The following SLA2 variants were observed in gnomAD, a reference collection of about 807,000 sequenced individuals.
SLA2 encodes the protein src-like-adapter 2.
SLA2 carries 22 observed loss-of-function variants against 27.3 expected under a neutral mutation model. The observed-to-expected ratio is 0.81, with a 90% CI of 0.58 to 1.15. SLA2 has a LOEUF of 1.15. SLA2 is among the 50% of genes most tolerant of loss of function. The pLI, the probability that SLA2 is intolerant of heterozygous loss-of-function variation, is 0.00. For synonymous variants in SLA2, 131 were observed against 137.8 expected (o/e 0.95, Z 0.34); for missense variants, 304 against 322.2 (o/e 0.94, Z 0.43).
Position 36,615,361 on chromosome 20 carries a change from CAG to C in SLA2, c.394_395del (p.Leu132ValfsTer22), listed in dbSNP as rs770643107. 8.7e-6 allele frequency: 14 copies of C among 1,613,796 alleles called. No individual in the cohort carries two copies. Among genetic ancestry groups the C allele is most frequent in the East Asian group, 2.2e-5 (1 of 44,888 alleles). On this transcript the variant is annotated frameshift_variant, in exon 6 of 8. Coordinates refer to ENST00000262866, the MANE Select transcript of SLA2 (RefSeq NM_032214.4). LOFTEE classifies it high-confidence loss of function. ...ESQTRRGSYS[L>X]SVRLSRPASW... The stretch of plus-strand genomic sequence containing the variant: ...ATGCAGGGCGGCTGAGGCGGACTGA[CAG>C]AGAGTAAGAGCCTGAGGAGAAAGGG...
At chr20:36,619,663 C>T (rs1034879281) in intron 5 of SLA2, among the ~76,000 whole-genome samples, 1 of 148,934 alleles carries the variant, frequency 6.7e-6, no homozygotes, top group Non-Finnish European at 1.5e-5. Flanking sequence ...CAGAGTCTCG[C>T]TCTCTCACCC....
intron 5 of SLA2, among the ~76,000 whole-genome samples, chr20:36,631,018 T>A (rs568056434): frequency 6.6e-6 from 1 of 152,304 alleles, no homozygotes. Context: ...TGCCAAGAGA[T>A]CAGAATCATG....
chr20:36,638,153 A>G (rs981492533), intron 2 of SLA2, among the ~76,000 whole-genome samples: 1 of 151,630 alleles, frequency 6.6e-6, no homozygotes, highest in Middle Eastern at 3.4e-3. Context: ...AGCCTCTTAA[A>G]GCGCTGGGAT....
intron 5 of SLA2, among the ~76,000 whole-genome samples, chr20:36,629,832 G>C (rs2039375862): frequency 6.6e-6 from 1 of 152,024 alleles, no homozygotes; most frequent in African/African-American, 2.4e-5. Flanking sequence ...CAGCTACCAG[G>C]GAGGCTGAGG....
chr20:36,625,642 G>T (rs2147985288), intron 5 of SLA2, among the ~76,000 whole-genome samples: 1 of 152,110 alleles, frequency 6.6e-6, no homozygotes, highest in East Asian at 1.9e-4. Context: ...GACCAGCCTG[G>T]GCAATAGAGT....
intron 2 of SLA2, among the ~76,000 whole-genome samples, chr20:36,635,728 G>A (rs1379424710): frequency 6.6e-6 from 1 of 152,032 alleles, no homozygotes; most frequent in Non-Finnish European, 1.5e-5. Context: ...CTTGTGATGG[G>A]TGCTCTCTGA....
chr20:36,615,379 G>A lies in SLA2; in HGVS notation c.383-5C>T, dbSNP rs760471796. On this transcript the variant is annotated splice_polypyrimidine_tract_variant and splice_region_variant and intron_variant, in intron 5 of 7. Transcript: ENST00000262866. ...GGACTGACAGAGAGTAAGAGCCTGA[G>A]GAGAAAGGGGTCCAGGGGTGGCACT... 5 of 1,613,432 alleles carry A rather than the reference G, an allele frequency of 3.1e-6. No individual in the cohort carries two copies. Among genetic ancestry groups the A allele is most frequent in the South Asian group, 2.2e-5 (2 of 91,044 alleles).
In SLA2 at chr20:36,613,809, C is replaced by A. The variant is rs773270772; in HGVS notation, c.*57G>T. On this transcript the variant is annotated 3_prime_UTR_variant, in exon 8 of 8. Transcript: ENST00000262866. Reference sequence around the variant, plus strand: ...CCTTGCCTCTGGGGTGCCCAGGAGGCTGAATTGGGGTTCTAGGTGTGCAGC... The same window carrying A: ...CCTTGCCTCTGGGGTGCCCAGGAGGATGAATTGGGGTTCTAGGTGTGCAGC... 4.2e-4 allele frequency: 519 copies of A among 1,223,386 alleles called. No individual in the cohort carries two copies. The highest frequency in any genetic ancestry group is 4.1e-5 in the Non-Finnish European group (38 of 919,514). The allele number at this position is 1,223,386 out of a possible 1,614,324, so 75.8% of individuals were successfully genotyped here. A position where few individuals can be genotyped will look rare whatever the true frequency, so the allele number is the denominator to read the frequency against.
chr20:36,634,395 C>T, intron 3 of SLA2, 95 bp downstream of exon 3: 2 of 939,490 alleles, frequency 2.1e-6, no homozygotes, highest in Non-Finnish European at 3.2e-6. Context: ...GCGATTCTCC[C>T]ACCTAAGCCT....
chr20:36,637,312 C>T (rs2039461615), intron 2 of SLA2, among the ~76,000 whole-genome samples: 1 of 148,438 alleles, frequency 6.7e-6, no homozygotes, highest in Non-Finnish European at 1.5e-5. Flanking sequence ...AAGTGATTCT[C>T]CTGCCTCAGC....
chr20:36,639,823 T>G (rs1355832962), intron 2 of SLA2, among the ~76,000 whole-genome samples: 1 of 151,248 alleles, frequency 6.6e-6, no homozygotes, highest in Non-Finnish European at 1.5e-5. Context: ...ACTGTCCCAC[T>G]GCACTCCAGC....
At chr20:36,636,421 C>A (rs1229540435) in intron 2 of SLA2, among the ~76,000 whole-genome samples, 2 of 126,778 alleles carry the variant, frequency 1.6e-5, no homozygotes, top group Non-Finnish European at 1.6e-5. Context: ...GAGCAAGACT[C>A]CGTCTCAAAA....
At chr20:36,629,127 G>T (rs1167249800) in intron 5 of SLA2, among the ~76,000 whole-genome samples, 1 of 150,442 alleles carries the variant, frequency 6.6e-6, no homozygotes, top group African/African-American at 2.4e-5. Flanking sequence ...GCAGTGGTGC[G>T]ATCTCGTCTC....
rs2039166281 is a variant in SLA2 at position 36,613,481 on chromosome 20, T to C, written c.*385A>G. ...GTTGACTCTAGGGGTTGTTTCTACC[T>C]TGTGGGTGGGGCCTGGTTAATGGTG... On this transcript the variant is annotated 3_prime_UTR_variant, in exon 8 of 8. Coordinates refer to ENST00000262866, the MANE Select transcript of SLA2 (RefSeq NM_032214.4). 1 of 168,858 alleles carries C rather than the reference T, an allele frequency of 5.9e-6. No individual in the cohort carries two copies. Among genetic ancestry groups the C allele is most frequent in the Non-Finnish European group, 1.3e-5 (1 of 79,292 alleles). 10.5% of individuals were successfully genotyped at this position (168,858 alleles called of 1,614,324 possible). A position where few individuals can be genotyped will look rare whatever the true frequency, so the allele number is the denominator to read the frequency against.
At chr20:36,629,084 G>C (rs1005129041) in intron 5 of SLA2, among the ~76,000 whole-genome samples, 5 of 145,306 alleles carry the variant, frequency 3.4e-5, no homozygotes, top group African/African-American at 1.3e-4. Context: ...TTTTTTTTGA[G>C]ACATAGTCTC....
rs1246278539 is a variant in SLA2 at position 36,612,915 on chromosome 20, G to GAAAT, written c.*947_*950dup. The stretch of plus-strand genomic sequence containing the variant: ...GCTAGGGAATGGTAAGCCACAAAAT[G>GAAAT]AAATAGAGATCTGAGAGCTAGGCTG... On this transcript the variant is annotated 3_prime_UTR_variant, in exon 8 of 8. Coordinates refer to ENST00000262866, the MANE Select transcript of SLA2 (RefSeq NM_032214.4). 3.3e-5 allele frequency: 5 copies of GAAAT among 153,612 alleles called. No homozygotes were observed. The highest frequency in any genetic ancestry group is 5.8e-5 in the Non-Finnish European group (4 of 69,006). The allele number at this position is 153,612 out of a possible 1,614,324, so 9.5% of individuals were successfully genotyped here.
At chr20:36,616,850 G>A (rs903075883) in intron 5 of SLA2, among the ~76,000 whole-genome samples, 1 of 151,084 alleles carries the variant, frequency 6.6e-6, no homozygotes, top group African/African-American at 2.4e-5. Context: ...CCCAGTTCGA[G>A]ACCACCCTGG....
intron 1 of SLA2, among the ~76,000 whole-genome samples, chr20:36,641,798 G>A (rs1385143391): frequency 1.3e-5 from 2 of 151,900 alleles, no homozygotes; most frequent in Non-Finnish European, 2.9e-5. Flanking sequence ...CTACTGGGTG[G>A]CAGGGGACAA....
intron 5 of SLA2, 37 bp downstream of exon 5, chr20:36,632,558 C>T (rs13040626): frequency 1.3e-5 from 20 of 1,533,320 alleles, no homozygotes; most frequent in African/African-American, 4.1e-5. Flanking sequence ...GAGACCTCCA[C>T]GTAGGGAGGG....
Sources: allele counts gnomAD v4.1 joint callset (sites outside exome capture counted in the v4.1 genomes callset), GRCh38; gene constraint gnomAD v4.1.1; transcripts MANE v1.5; gene names NCBI Gene and HGNC (gene_info 2026-07-23, HGNC 2026-07-21).